The following ZC3H12B variants were observed in gnomAD, a reference collection of about 807,000 sequenced individuals.
ZC3H12B encodes probable ribonuclease ZC3H12B.
A neutral mutation model predicts 43.9 loss-of-function variants in ZC3H12B; 7 were observed. That is an observed-to-expected ratio of 0.16 (90% CI 0.09 to 0.30). ZC3H12B has a LOEUF of 0.30. Ranked by LOEUF, ZC3H12B falls within the 10% of genes least tolerant of loss-of-function variation. ZC3H12B has a pLI of 1.00. For synonymous variants in ZC3H12B, 222 were observed against 241.7 expected, an observed-to-expected ratio of 0.92 and a Z score of 0.76; for missense variants, 475 against 670.2, an observed-to-expected ratio of 0.71 and a Z score of 3.22.
chrX:65,374,270 CTA>C (rs57169099), intron 2 of ZC3H12B, among the ~76,000 whole-genome samples: 10,823 of 78,667 alleles, frequency 0.14, 2,205 homozygotes, highest in African/African-American at 0.51. Context: ...GTAATATATA[CTA>C]TATATATATA....
the ZC3H12B span, among the ~76,000 whole-genome samples, chrX:65,061,148 A>AT: frequency 9.1e-6 from 1 of 110,098 alleles, no homozygotes; most frequent in Non-Finnish European, 1.9e-5. Flanking sequence ...TTTTATTCTT[A>AT]TTTTTATTTT....
At chrX:65,418,097 C>A (rs1412399440) in intron 3 of ZC3H12B, among the ~76,000 whole-genome samples, 1 of 111,794 alleles carries the variant, frequency 8.9e-6, no homozygotes, top group Admixed American at 9.5e-5. Flanking sequence ...AGATGCATTA[C>A]TATTTTATTT....
At chrX:65,375,460 T>C (rs1298969946) in intron 2 of ZC3H12B, among the ~76,000 whole-genome samples, 1 of 112,228 alleles carries the variant, frequency 8.9e-6, no homozygotes, top group Non-Finnish European at 1.9e-5. Context: ...ACACCAGCCA[T>C]AGTGGCTAAG....
the ZC3H12B span, among the ~76,000 whole-genome samples, chrX:65,236,192 C>A: frequency 8.9e-6 from 1 of 112,068 alleles, no homozygotes; most frequent in Middle Eastern, 4.6e-3. Context: ...CTGGAACAGG[C>A]AGCTCAGATT....
At chrX:65,232,196 G>A in the ZC3H12B span, among the ~76,000 whole-genome samples, 3 of 111,072 alleles carry the variant, frequency 2.7e-5, no homozygotes, top group Non-Finnish European at 3.8e-5. Context: ...AGCTGAGATC[G>A]CACCACTGCA....
the ZC3H12B span, among the ~76,000 whole-genome samples, chrX:65,343,193 T>TA: frequency 5.5e-5 from 6 of 109,894 alleles, no homozygotes; most frequent in Admixed American, 9.7e-5. Context: ...AAACAAATTT[T>TA]AAAAAAAATA....
chrX:65,459,876 G>T (rs2067707706), intron 3 of ZC3H12B, among the ~76,000 whole-genome samples: 1 of 111,220 alleles, frequency 9.0e-6, no homozygotes, highest in African/African-American at 3.3e-5. Flanking sequence ...GGCAGGAGAA[G>T]GAAATAAAGG....
chrX:65,447,884 A>G (rs2067399935), intron 3 of ZC3H12B, among the ~76,000 whole-genome samples: 1 of 111,811 alleles, frequency 8.9e-6, no homozygotes, highest in Non-Finnish European at 1.9e-5. Context: ...TAAAACCACA[A>G]TGAGATACCA....
At chrX:65,214,590 G>T in the ZC3H12B span, among the ~76,000 whole-genome samples, 4 of 111,454 alleles carry the variant, frequency 3.6e-5, no homozygotes, top group African/African-American at 1.3e-4. Flanking sequence ...TCTAATTCCA[G>T]TTCTCTTGCT....
exon 5 of ZC3H12B, chrX:65,502,413 G>C (rs764193533): frequency 8.3e-7 from 1 of 1,210,431 alleles, no homozygotes; most frequent in East Asian, 3.0e-5. Flanking sequence ...GAAGTAGACC[G>C]GGGGGTGTAT....
rs758280020 is a variant in ZC3H12B at position 65,505,378 on chromosome X, C to T, written c.*2169C>T. ...TGCATGCTGCTTTCTGGCTTTCTGT[C>T]TCTGTCCAAGTTGATCAATACTGCA... On this transcript the variant is annotated 3_prime_UTR_variant, in exon 5 of 5. Coordinates refer to ENST00000338957, the Ensembl canonical transcript of ZC3H12B. 3 of 112,611 alleles carry T rather than the reference C, an allele frequency of 2.7e-5. No homozygotes were observed. The Admixed American group carries it at 2.8e-4, about 11-fold the overall frequency. 9.3% of individuals were successfully genotyped at this position (112,611 alleles called of 1,213,427 possible).
At chrX:65,477,895 A>T (rs1037836286) in intron 3 of ZC3H12B, among the ~76,000 whole-genome samples, 87 of 101,992 alleles carry the variant, frequency 8.5e-4, no homozygotes, top group African/African-American at 2.9e-3. Context: ...TTAGGCTCTG[A>T]TCATTTTTCT....
intron 3 of ZC3H12B, among the ~76,000 whole-genome samples, chrX:65,435,519 A>AG (rs754534561): frequency 9.0e-6 from 1 of 111,669 alleles, no homozygotes; most frequent in Non-Finnish European, 1.9e-5. Context: ...ATGACATTAG[A>AG]GAGCCAGTTC....
intron 2 of ZC3H12B, among the ~76,000 whole-genome samples, chrX:65,379,123 G>A (rs966945524): frequency 3.6e-5 from 4 of 112,187 alleles, no homozygotes; most frequent in Non-Finnish European, 7.5e-5. Context: ...AAGGAGGCCT[G>A]CCTGCCTCTG....
the ZC3H12B span, among the ~76,000 whole-genome samples, chrX:65,193,331 G>C: frequency 9.0e-6 from 1 of 110,988 alleles, no homozygotes; most frequent in African/African-American, 3.3e-5. Context: ...TTGTTAGTCT[G>C]TTCAGTTTTG....
At chrX:65,454,243 TGACA>T (rs922461388) in intron 3 of ZC3H12B, among the ~76,000 whole-genome samples, 1 of 111,794 alleles carries the variant, frequency 8.9e-6, no homozygotes, top group African/African-American at 3.2e-5. Context: ...TTCCTAGGGG[TGACA>T]GACAGCACCT....
chrX:65,267,780 C>T, the ZC3H12B span, among the ~76,000 whole-genome samples: 1 of 110,903 alleles, frequency 9.0e-6, no homozygotes, highest in African/African-American at 3.3e-5. Flanking sequence ...AAAAGCAGTT[C>T]TAAGAAAGAA....
At chrX:65,098,125 T>C in the ZC3H12B span, among the ~76,000 whole-genome samples, 1 of 110,539 alleles carries the variant, frequency 9.0e-6, no homozygotes, top group Non-Finnish European at 1.9e-5. Context: ...AGAATGTGTG[T>C]GCATCTCATT....
At chrX:65,299,181 G>A in the ZC3H12B span, among the ~76,000 whole-genome samples, 3 of 111,996 alleles carry the variant, frequency 2.7e-5, no homozygotes, top group Non-Finnish European at 5.6e-5. Flanking sequence ...AAGTTCAGAT[G>A]GGTTGACTAG....
Sources: gnomAD v4.1 joint callset for allele counts (sites outside exome capture counted in the v4.1 genomes callset) on GRCh38, gnomAD v4.1.1 for gene constraint, MANE v1.5 for transcripts, NCBI Gene and HGNC (gene_info 2026-07-23, HGNC 2026-07-21) for gene names.